The following TMEM214 variants were observed in gnomAD, a reference collection of about 807,000 sequenced individuals.
TMEM214 encodes transmembrane protein 214.
In TMEM214, 71 loss-of-function variants were observed where a neutral mutation model predicts 89.8. The ratio of observed to expected loss-of-function variants is 0.79; its 90% CI spans 0.65 to 0.96. The LOEUF (loss-of-function observed/expected upper bound fraction) is 0.96. TMEM214 is among the 40% of genes least tolerant of loss of function. The pLI is 0.00. For missense variants in TMEM214, 754 were observed against 843.4 expected (o/e 0.89, Z 1.31); for synonymous variants, 332 against 349.5 (o/e 0.95, Z 0.56).
chr2:27,037,642 C>A lies in TMEM214; in HGVS notation c.1092C>A (p.Thr364=), dbSNP rs1006734026. 1.9e-6 allele frequency: 3 copies of A among 1,614,212 alleles called. No homozygotes were observed. The highest frequency in any genetic ancestry group is 4.5e-5 in the East Asian group (2 of 44,882). ...CAAAGCCGGATTCCACCCTGCATAC[C>A]TACTTCCCTTCTTTCCTGTCCAGAG... The part of the protein sequence containing the change: ...FGAKPDSTLH[T]YFPSFLSRAT... The change falls in exon 9 of 17, where the codon ACC becomes ACA. Residue 364 remains threonine (T), a synonymous_variant. Transcript: ENST00000238788.
chr2:27,036,080 T>A (rs1558396315), intron 5 of TMEM214, 28 bp downstream of exon 5: 1 of 1,607,398 alleles, frequency 6.2e-7, no homozygotes, highest in Non-Finnish European at 8.5e-7. Flanking sequence ...GTGGGGATGC[T>A]AGGAAGCTAG....
chr2:27,039,036 C>G lies in TMEM214; in HGVS notation c.1408-11C>G, dbSNP rs777274876. Reference sequence around the variant, plus strand: ...GCTTCTGACAACTGTCTCCTGCTCCCCTCCCACCAGGGCCTGTTGCAGCAG... The same window carrying G: ...GCTTCTGACAACTGTCTCCTGCTCCGCTCCCACCAGGGCCTGTTGCAGCAG... On this transcript the variant is annotated splice_polypyrimidine_tract_variant and intron_variant, in intron 12 of 16. Transcript: ENST00000238788. 6.2e-7 allele frequency: 1 copy of G among 1,612,692 alleles called. No homozygotes were observed. The highest frequency in any genetic ancestry group is 1.7e-5 in the Admixed American group (1 of 60,030).
At chr2:27,036,352 A>T (rs953975623) in intron 5 of TMEM214, 135 bp from the exon 6 acceptor site, 1 of 791,826 alleles carries the variant, frequency 1.3e-6, no homozygotes, top group African/African-American at 1.7e-5. Context: ...AACCTGCACC[A>T]CGTGGCCATA....
Position 27,035,676 on chromosome 2 carries a change from C to A in TMEM214, c.585C>A (p.Leu195=). 1 of 1,614,188 alleles carries A rather than the reference C, an allele frequency of 6.2e-7. No homozygotes were observed. The highest frequency in any genetic ancestry group is 8.5e-7 in the Non-Finnish European group (1 of 1,180,034). The stretch of plus-strand genomic sequence containing the variant: ...CGAAGGCAGCAGGGTCTCTGGAGCT[C>A]TTTTTTGACCACTGTCTGTTCACCA... ...LLAKAAGSLE[L]FFDHCLFTML... Residue 195 remains leucine, a synonymous_variant, in exon 4 of 17, where the codon CTC becomes CTA. Coordinates refer to ENST00000238788, the MANE Select transcript of TMEM214 (RefSeq NM_017727.5).
intron 1 of TMEM214, among the ~76,000 whole-genome samples, chr2:27,033,587 G>T (rs984231905): frequency 7.2e-5 from 11 of 152,166 alleles, no homozygotes; most frequent in African/African-American, 2.4e-4. Context: ...AGGCCCAGCA[G>T]TGGGAGAAAT....
rs574161630 is a variant in TMEM214, at chr2:27,040,010, C to T, written c.1623-20C>T. The stretch of plus-strand genomic sequence containing the variant: ...CTGAGGAGACTCAGAGCCCTCTTCC[C>T]CCACTTCCATCTTCCACAGCTGGCT... On this transcript the variant is annotated intron_variant, in intron 14 of 16. Coordinates refer to ENST00000238788, the MANE Select transcript of TMEM214 (RefSeq NM_017727.5). 2.5e-6 allele frequency: 4 copies of T among 1,599,440 alleles called. No individual in the cohort carries two copies. The Admixed American group carries it at 5.0e-5, about 20-fold the overall frequency.
chr2:27,038,082 T>C lies in TMEM214; in HGVS notation c.1153-64T>C. On this transcript the variant is annotated intron_variant, in intron 9 of 16. Coordinates refer to ENST00000238788, the MANE Select transcript of TMEM214 (RefSeq NM_017727.5). The surrounding 1 kb of genome is among the most constrained non-coding windows in gnomAD (Gnocchi z 4.4). ...TGCTTACGGGAAGGGGATCACCTCT[T>C]AGCACTCCCCGCCTCTGCCAGCCCC... The C allele has an allele frequency of 6.2e-7, 1 of 1,613,028 alleles. No individual in the cohort carries two copies.
At chr2:27,035,084 C>A (rs1477463275) in intron 2 of TMEM214, 51 bp from the exon 3 acceptor site, 3 of 1,607,154 alleles carry the variant, frequency 1.9e-6, no homozygotes, top group Non-Finnish European at 2.6e-6. Context: ...TTTCTTTACT[C>A]CCTCACTCAC....
At chr2:27,039,292 C>T in intron 13 of TMEM214, 128 bp downstream of exon 13, 1 of 758,416 alleles carries the variant, frequency 1.3e-6, no homozygotes, top group South Asian at 1.7e-5. Flanking sequence ...AGAGTAAACA[C>T]TTTACAGACA....
chr2:27,033,201 G>GGTAGGCCTGTAGGAC (rs2148237492), intron 1 of TMEM214, 35 bp downstream of exon 1: 1 of 1,245,978 alleles, frequency 8.0e-7, no homozygotes, highest in South Asian at 4.1e-5. Flanking sequence ...CCTACCCCAG[G>GGTAGGCCTGTAGGAC]CCTGTCCGGC....
In TMEM214 at chr2:27,035,529, A is replaced by T. The variant is rs867801162; in HGVS notation, c.503-65A>T. 10 of 1,596,872 alleles carry T rather than the reference A, an allele frequency of 6.3e-6. No homozygotes were observed. In the Middle Eastern group the frequency reaches 1.7e-3, roughly 277 times the overall value. Reference sequence around the variant, plus strand: ...TCCACTCACCATTCCCAGGGAGAGCACCACAGTTCTCAGAGCTGATGGGTG... The same window carrying T: ...TCCACTCACCATTCCCAGGGAGAGCTCCACAGTTCTCAGAGCTGATGGGTG... On this transcript the variant is annotated intron_variant, in intron 3 of 16. Coordinates refer to ENST00000238788, the MANE Select transcript of TMEM214 (RefSeq NM_017727.5).
At chr2:27,033,288 T>C in intron 1 of TMEM214, 122 bp downstream of exon 1, 1 of 1,014,098 alleles carries the variant, frequency 9.9e-7, no homozygotes, top group Non-Finnish European at 1.3e-6. Flanking sequence ...TTGCGTTGTC[T>C]CTTTGGAGCC....
intron 3 of TMEM214, 48 bp downstream of exon 3, chr2:27,035,333 A>C (rs1667507256): frequency 3.7e-6 from 6 of 1,612,248 alleles, no homozygotes; most frequent in Non-Finnish European, 5.1e-6. Context: ...AAATAAATTC[A>C]AAAAGGGTGG....
Position 27,035,954 on chromosome 2 carries a change from A to C in TMEM214, c.638-16A>C, listed in dbSNP as rs776540243. ...CCAAATAATGTGAGTAGGTGTGAGA[A>C]TGTGTATCTCTCCAGGGGAGTCACT... On this transcript the variant is annotated splice_polypyrimidine_tract_variant and intron_variant, in intron 4 of 16. Transcript: ENST00000238788. 1 of 1,613,506 alleles carries C rather than the reference A, an allele frequency of 6.2e-7. No individual in the cohort carries two copies. Among genetic ancestry groups the C allele is most frequent in the East Asian group, 2.2e-5 (1 of 44,856 alleles).
At chr2:27,040,323 C>A in intron 15 of TMEM214, 22 bp from the exon 16 acceptor site, 1 of 1,613,798 alleles carries the variant, frequency 6.2e-7, no homozygotes, top group Non-Finnish European at 8.5e-7. Context: ...TACTCTGACC[C>A]CATCCATTCT....
At chr2:27,037,246 GTC>G (rs1667607604) in intron 8 of TMEM214, 68 bp downstream of exon 8, 8 of 1,292,748 alleles carry the variant, frequency 6.2e-6, no homozygotes, top group South Asian at 2.4e-5. Context: ...ACATATTCCC[GTC>G]TCTCCTTCCC....
chr2:27,038,298 C>G lies in TMEM214; in HGVS notation c.1244+61C>G, dbSNP rs1298998098. 5 of 1,588,762 alleles carry G rather than the reference C, an allele frequency of 3.1e-6. No homozygotes were observed. The African/African-American group carries it at 4.0e-5, about 13-fold the overall frequency. ...AGAAGCAGAAGGGGAGCCTGGGTCA[C>G]TGTCCCATGGCCTGACACCTTTCAG... On this transcript the variant is annotated intron_variant, in intron 10 of 16. Transcript: ENST00000238788. This position sits in a 1 kb window ranked among gnomAD's most constrained non-coding sequence, Gnocchi z 4.4.
intron 9 of TMEM214, 137 bp downstream of exon 9, chr2:27,037,839 C>T (rs563654921): frequency 1.3e-5 from 21 of 1,577,592 alleles, no homozygotes; most frequent in Middle Eastern, 3.3e-4. Context: ...CTGCCTGCCC[C>T]GCTCACTCGA....
intron 13 of TMEM214, chr2:27,039,474 G>A (rs1667725052): frequency 5.0e-6 from 3 of 595,234 alleles, no homozygotes; most frequent in Admixed American, 5.9e-5. Context: ...TAGCTAGTAA[G>A]TAGAAGGGCA....
Sources: gnomAD v4.1 joint callset for allele counts (sites outside exome capture counted in the v4.1 genomes callset) on GRCh38, gnomAD v4.1.1 for gene constraint, Gnocchi (gnomAD v3.1) non-coding constraint, MANE v1.5 for transcripts, NCBI Gene and HGNC (gene_info 2026-07-23, HGNC 2026-07-21) for gene names.